Variants in DCC observed in about 807,000 individuals in gnomAD.
The protein encoded by DCC is netrin receptor DCC.
A neutral mutation model predicts 172.5 loss-of-function variants in DCC; 58 were observed. The ratio of observed to expected loss-of-function variants is 0.34; its 90% CI spans 0.27 to 0.42. The LOEUF is 0.42. DCC is among the 10% of genes least tolerant of loss of function. DCC has a pLI of 1.00. For missense variants in DCC, 1,740 were observed against 1,791.0 expected (o/e 0.97, Z 0.51); for synonymous variants, 709 against 644.5 (o/e 1.10, Z -1.52).
chr18:52,859,017 T>TAA (rs143817042), intron 2 of DCC, among the ~76,000 whole-genome samples: 4 of 152,154 alleles, frequency 2.6e-5, no homozygotes, highest in African/African-American at 9.6e-5. Flanking sequence ...TTAGTGATGT[T>TAA]AAAAAAATGG....
intron 2 of DCC, among the ~76,000 whole-genome samples, chr18:52,841,390 C>T (rs781479295): frequency 1.3e-5 from 2 of 152,032 alleles, no homozygotes; most frequent in Non-Finnish European, 2.9e-5. Context: ...TAGACATTGA[C>T]CTTGAACTTG....
intron 1 of DCC, among the ~76,000 whole-genome samples, chr18:52,349,329 G>A (rs1379761319): frequency 6.6e-6 from 1 of 152,180 alleles, no homozygotes; most frequent in South Asian, 2.1e-4. Flanking sequence ...TTAGAGATGT[G>A]AGCCAAGGCT....
chr18:52,394,787 C>G (rs1273861504), intron 1 of DCC, among the ~76,000 whole-genome samples: 1 of 151,964 alleles, frequency 6.6e-6, no homozygotes, highest in Non-Finnish European at 1.5e-5. Flanking sequence ...CAGAGGAGCC[C>G]TAATAATACA....
chr18:52,797,889 C>G (rs2037907407), intron 2 of DCC, among the ~76,000 whole-genome samples: 1 of 152,176 alleles, frequency 6.6e-6, no homozygotes, highest in African/African-American at 2.4e-5. Context: ...TCTCAAGCCG[C>G]ATAAAACACA....
chr18:52,879,401 A>G (rs1050240489), intron 2 of DCC, among the ~76,000 whole-genome samples: 2 of 75,138 alleles, frequency 2.7e-5, no homozygotes, highest in African/African-American at 5.5e-5. Context: ...TCTAGCCCAT[A>G]TGTTGTTTGG....
chr18:52,536,659 T>G (rs1223351438), intron 1 of DCC, among the ~76,000 whole-genome samples: 2 of 152,138 alleles, frequency 1.3e-5, no homozygotes, highest in Non-Finnish European at 2.9e-5. Context: ...ATCACATACC[T>G]AAACCTTCCA....
intron 21 of DCC, among the ~76,000 whole-genome samples, chr18:53,417,936 A>C (rs1489998527): frequency 1.3e-5 from 2 of 152,176 alleles, no homozygotes; most frequent in African/African-American, 4.8e-5. Context: ...AGTCCCTATG[A>C]TCACACATCC....
intron 1 of DCC, among the ~76,000 whole-genome samples, chr18:52,744,677 C>A (rs547144210): frequency 1.3e-5 from 2 of 152,160 alleles, no homozygotes; most frequent in South Asian, 4.1e-4. Flanking sequence ...TGAGTGCACA[C>A]TTTCTCTCTC....
At chr18:52,738,012 G>A (rs2036755050) in intron 1 of DCC, among the ~76,000 whole-genome samples, 1 of 151,996 alleles carries the variant, frequency 6.6e-6, no homozygotes, top group Non-Finnish European at 1.5e-5. Context: ...TTGTAATAAC[G>A]GTTTATCATT....
intron 7 of DCC, among the ~76,000 whole-genome samples, chr18:53,101,914 A>G (rs1272033541): frequency 6.6e-6 from 1 of 151,870 alleles, no homozygotes; most frequent in African/African-American, 2.4e-5. Context: ...CCACTGACCC[A>G]TTACCTGAGC....
intron 15 of DCC, among the ~76,000 whole-genome samples, chr18:53,360,854 G>A (rs547589495): frequency 6.6e-6 from 1 of 152,276 alleles, no homozygotes; most frequent in South Asian, 2.1e-4. Context: ...AATTAGCAGA[G>A]AAGTGACATT....
chr18:52,769,644 T>G (rs560535317), intron 2 of DCC, among the ~76,000 whole-genome samples: 1 of 152,332 alleles, frequency 6.6e-6, no homozygotes, highest in South Asian at 2.1e-4. Context: ...TCTCAAAAGT[T>G]GTCTAAAAGC....
chr18:53,486,465 TAAA>T (rs768068915), intron 25 of DCC, among the ~76,000 whole-genome samples: 8 of 152,306 alleles, frequency 5.3e-5, no homozygotes, highest in Non-Finnish European at 1.2e-4. Context: ...AGTTCATCCT[TAAA>T]AGAAAGACTA....
chr18:52,986,502 G>A (rs952158344), intron 5 of DCC, among the ~76,000 whole-genome samples: 53 of 152,028 alleles, frequency 3.5e-4, no homozygotes, highest in African/African-American at 1.2e-3. Context: ...TCTTAGTTTC[G>A]CCTGCTTTGT....
intron 1 of DCC, among the ~76,000 whole-genome samples, chr18:52,562,199 A>T (rs928169492): frequency 6.6e-6 from 1 of 152,182 alleles, no homozygotes; most frequent in Non-Finnish European, 1.5e-5. Context: ...TGGCAAAATC[A>T]GATTCACTGG....
At chr18:52,413,339 C>T (rs915183011) in intron 1 of DCC, among the ~76,000 whole-genome samples, 1 of 150,720 alleles carries the variant, frequency 6.6e-6, no homozygotes, top group African/African-American at 2.4e-5. Flanking sequence ...CAAACTGAAT[C>T]TTTTTCTGTA....
At chr18:52,605,393 G>C (rs1042361898) in intron 1 of DCC, among the ~76,000 whole-genome samples, 2 of 152,088 alleles carry the variant, frequency 1.3e-5, no homozygotes, top group African/African-American at 2.4e-5. Context: ...TTACAACTAA[G>C]AAGCTACTGC....
chr18:53,523,517 A>T (rs1030086453), intron 27 of DCC, among the ~76,000 whole-genome samples: 1 of 152,244 alleles, frequency 6.6e-6, no homozygotes, highest in Non-Finnish European at 1.5e-5. Flanking sequence ...CCAAATGCCC[A>T]TCAGTGACAG....
chr18:53,118,211 ATTAC>A (rs2043434508), intron 7 of DCC, among the ~76,000 whole-genome samples: 1 of 151,822 alleles, frequency 6.6e-6, no homozygotes, highest in Non-Finnish European at 1.5e-5. Context: ...CATGATTATT[ATTAC>A]TTTTTTCTAA....
Sources: gnomAD v4.1 joint callset for allele counts (sites outside exome capture counted in the v4.1 genomes callset) on GRCh38, gnomAD v4.1.1 for gene constraint, MANE v1.5 for transcripts, NCBI Gene and HGNC (gene_info 2026-07-23, HGNC 2026-07-21) for gene names.